NR4A1: variants seen among roughly 807,000 people sequenced by gnomAD.
The protein encoded by NR4A1 is nuclear receptor subfamily 4 group A member 1.
Under a neutral mutation model 47.5 loss-of-function variants are expected in NR4A1, and 24 were observed. The ratio of observed to expected loss-of-function variants is 0.50; its 90% CI spans 0.37 to 0.71. The LOEUF is 0.71. Among genes scored for constraint, NR4A1 ranks in the 30% least tolerant of loss-of-function variants. The pLI is 0.00. For missense variants in NR4A1, 669 were observed against 788.6 expected, an observed-to-expected ratio of 0.85 and a Z score of 1.82; for synonymous variants, 353 against 345.7, an observed-to-expected ratio of 1.02 and a Z score of -0.24.
chr12:52,059,425 T>C lies in NR4A1; in HGVS notation c.*481T>C, dbSNP rs939300640. On this transcript the variant is annotated 3_prime_UTR_variant, in exon 7 of 7. Transcript: ENST00000394825. ...AGATTCTGACATTTATATTTGTGTA[T>C]TTTCCTGGATTTATAGTATGTGACT... The C allele has an allele frequency of 1.3e-5, 2 of 153,596 alleles. No individual in the cohort carries two copies. Among genetic ancestry groups the C allele is most frequent in the South Asian group, 4.1e-4 (2 of 4,872 alleles). 9.5% of individuals were successfully genotyped at this position (153,596 alleles called of 1,614,324 possible).
rs1432434191 is a variant in NR4A1 at position 52,054,472 on chromosome 12, T to C, written c.144T>C (p.Thr48=). ...CCGAGGCAGCCCCCGCTGCCCCCAC[T>C]GCCCTGCCCAGCTTCAGCACCTTCA... ...ASPEAAPAAP[T]ALPSFSTFMD... is the part of the protein sequence containing the mutation. Residue 48 remains threonine, a synonymous_variant, in exon 2 of 7, where the codon ACT becomes ACC. Transcript: ENST00000394825. 1 of 1,613,728 alleles carries C rather than the reference T, an allele frequency of 6.2e-7. No homozygotes were observed. The highest frequency in any genetic ancestry group is 2.2e-5 in the East Asian group (1 of 44,858).
Position 52,059,011 on chromosome 12 carries a change from G to T in NR4A1, c.*67G>T. 1.3e-6 allele frequency: 2 copies of T among 1,534,414 alleles called. No homozygotes were observed. The highest frequency in any genetic ancestry group is 1.8e-6 in the Non-Finnish European group (2 of 1,134,838). ...GCCACCCCATGTGCCTTTAGTCCAC[G>T]GACCCCCAGAGCACCCCCAAGCCTG... On this transcript the variant is annotated 3_prime_UTR_variant, in exon 7 of 7. Transcript: ENST00000394825.
intron 1 of NR4A1, among the ~76,000 whole-genome samples, chr12:52,024,089 G>C (rs1202507846): frequency 6.6e-6 from 1 of 152,222 alleles, no homozygotes; most frequent in Non-Finnish European, 1.5e-5. Context: ...AAATGGCTGT[G>C]GTGAGGAGCA....
At chr12:52,037,780 G>A (rs1938292422) in intron 1 of NR4A1, 10 of 985,494 alleles carry the variant, frequency 1.0e-5, no homozygotes, top group Non-Finnish European at 1.2e-5. Context: ...AGACCCAGCC[G>A]GGAGGGACCG....
chr12:52,024,845 T>C (rs937250113), intron 1 of NR4A1, among the ~76,000 whole-genome samples: 2 of 152,198 alleles, frequency 1.3e-5, no homozygotes, highest in Admixed American at 1.3e-4. Context: ...CCACACAACC[T>C]CTACCTTCCT....
intron 1 of NR4A1, among the ~76,000 whole-genome samples, chr12:52,024,520 C>T (rs1415575975): frequency 6.6e-6 from 1 of 152,052 alleles, no homozygotes; most frequent in Non-Finnish European, 1.5e-5. Context: ...CATAGCAAGA[C>T]CTCGTCTCTA....
chr12:52,057,003 C>T, intron 4 of NR4A1, 54 bp from the exon 5 acceptor site: 2 of 1,478,162 alleles, frequency 1.4e-6, no homozygotes, highest in East Asian at 4.9e-5. Flanking sequence ...CCATACGTGG[C>T]AGTGGGTGTA....
At chr12:52,037,024 G>T (rs2120943849) in intron 1 of NR4A1, among the ~76,000 whole-genome samples, 1 of 151,524 alleles carries the variant, frequency 6.6e-6, no homozygotes, top group East Asian at 2.0e-4. Context: ...GGCGCTCGCG[G>T]CTATTCCGGG....
At chr12:52,037,292 G>A (rs1565640976) in intron 1 of NR4A1, 1 of 826,704 alleles carries the variant, frequency 1.2e-6, no homozygotes, top group Non-Finnish European at 1.5e-6. Flanking sequence ...GGAGGTGGCG[G>A]CGGCGGCGGA....
chr12:52,054,698 C>G lies in NR4A1; in HGVS notation c.370C>G (p.Leu124Val). The change falls in exon 2 of 7, where the codon CTG (leucine) becomes GTG (valine). Residue 124 changes from leucine to valine, a missense_variant. Leu to Val is a conservative substitution (Grantham distance 32). Coordinates refer to ENST00000394825, the MANE Select transcript of NR4A1 (RefSeq NM_173157.3). ...CCTGAGCGGCCCAGTGGATGAGGCC[C>G]TGTCCTCCAGTGGCTCTGACTACTA... is the stretch of plus-strand genomic sequence containing the variant. The part of the protein sequence containing the change: ...GPLSGPVDEA[L>V]SSSGSDYYGS... The G allele has an allele frequency of 1.9e-6, 3 of 1,613,908 alleles. No individual in the cohort carries two copies. The highest frequency in any genetic ancestry group is 2.5e-6 in the Non-Finnish European group (3 of 1,180,030).
intron 1 of NR4A1, among the ~76,000 whole-genome samples, chr12:52,035,922 C>T (rs575210714): frequency 5.9e-5 from 9 of 152,028 alleles, no homozygotes; most frequent in Non-Finnish European, 1.2e-4. Context: ...CTGCGTGGGG[C>T]CTGGGCTGGG....
chr12:52,045,070 T>G (rs780448329), intron 2 of NR4A1, among the ~76,000 whole-genome samples: 1 of 152,188 alleles, frequency 6.6e-6, no homozygotes, highest in African/African-American at 2.4e-5. Flanking sequence ...TCCAGAGTAT[T>G]AATTGACCAC....
chr12:52,043,488 T>G, intron 2 of NR4A1: 1 of 267,426 alleles, frequency 3.7e-6, no homozygotes, highest in Non-Finnish European at 7.2e-6. Context: ...CGGGGCCCCA[T>G]GAGTGCTAGA....
chr12:52,037,231 C>T (rs1380079425), intron 1 of NR4A1: 1 of 365,340 alleles, frequency 2.7e-6, no homozygotes, highest in Non-Finnish European at 3.8e-6. Flanking sequence ...GGGGGCTTCC[C>T]GGGGGCGGGG....
chr12:52,026,428 T>C (rs539250403), intron 1 of NR4A1, among the ~76,000 whole-genome samples: 55 of 152,324 alleles, frequency 3.6e-4, no homozygotes, highest in Middle Eastern at 3.4e-3. Flanking sequence ...TCTCCAAACA[T>C]TGTCTAATTA....
chr12:52,029,025 T>G (rs1482168433), intron 1 of NR4A1, among the ~76,000 whole-genome samples: 1 of 152,200 alleles, frequency 6.6e-6, no homozygotes, highest in Admixed American at 6.5e-5. Flanking sequence ...ATAGGCATAA[T>G]AGGCACTCCC....
At chr12:52,032,813 C>T (rs1188962282) in intron 1 of NR4A1, among the ~76,000 whole-genome samples, 1 of 152,070 alleles carries the variant, frequency 6.6e-6, no homozygotes, top group Non-Finnish European at 1.5e-5. Flanking sequence ...AAAGACAGCT[C>T]AAGAATTAAG....
rs1293776908 is a variant in NR4A1, at chr12:52,059,161, C to T, written c.*217C>T. On this transcript the variant is annotated 3_prime_UTR_variant, in exon 7 of 7. Coordinates refer to ENST00000394825, the MANE Select transcript of NR4A1 (RefSeq NM_173157.3). Reference sequence around the variant, plus strand: ...CACGATTTGTCTTATCCCCCCCAGCCTGGCCCCGGCCTTTATGTTTTTTGT... The same window carrying T: ...CACGATTTGTCTTATCCCCCCCAGCTTGGCCCCGGCCTTTATGTTTTTTGT... The T allele has an allele frequency of 5.0e-6, 3 of 604,864 alleles. No individual in the cohort carries two copies. The highest frequency in any genetic ancestry group is 8.5e-6 in the Non-Finnish European group (3 of 353,912). The allele number at this position is 604,864 out of a possible 1,614,324, so 37.5% of individuals were successfully genotyped here.
intron 1 of NR4A1, chr12:52,054,079 G>A: frequency 1.9e-6 from 1 of 528,908 alleles, no homozygotes; most frequent in South Asian, 2.9e-5. Context: ...TGACTAGGGT[G>A]TGGCTGGCCT....
Sources: gnomAD v4.1 joint callset for allele counts (sites outside exome capture counted in the v4.1 genomes callset) on GRCh38, gnomAD v4.1.1 for gene constraint, MANE v1.5 for transcripts, NCBI Gene and HGNC (gene_info 2026-07-23, HGNC 2026-07-21) for gene names.